The following ABCB11 variants were observed in gnomAD, a reference collection of about 807,000 sequenced individuals.
ABCB11 encodes bile salt export pump.
Under a neutral mutation model 148.0 loss-of-function variants are expected in ABCB11, and 95 were observed. The ratio of observed to expected loss-of-function variants is 0.64; its 90% confidence interval spans 0.54 to 0.76. The LOEUF (loss-of-function observed/expected upper bound fraction) is 0.76. Ranked by LOEUF, ABCB11 falls within the 30% of genes least tolerant of loss-of-function variation. The probability of loss-of-function intolerance (pLI) is 0.00; values close to 1 mark genes in which losing one functional copy is unlikely to be tolerated. For missense variants in ABCB11, 1,523 were observed against 1,617.8 expected, an observed-to-expected ratio of 0.94 and a Z score of 1.01; for synonymous variants, 591 against 555.4, an observed-to-expected ratio of 1.06 and a Z score of -0.90.
intron 21 of ABCB11, among the ~76,000 whole-genome samples, chr2:168,937,193 C>A (rs7568243): frequency 6.6e-6 from 1 of 152,146 alleles, no homozygotes; most frequent in East Asian, 1.9e-4. Flanking sequence ...AGCTTCATTC[C>A]CTTTTAAAAC....
chr2:169,023,606 TA>T (rs1318287628), intron 1 of ABCB11, among the ~76,000 whole-genome samples: 1 of 152,234 alleles, frequency 6.6e-6, no homozygotes, highest in Non-Finnish European at 1.5e-5. Context: ...TTGGCATGGA[TA>T]AATCTCAACA....
downstream of ABCB11, among the ~76,000 whole-genome samples, chr2:168,917,239 T>C (rs1648267185): frequency 6.6e-6 from 1 of 152,182 alleles, no homozygotes; most frequent in Non-Finnish European, 1.5e-5. Flanking sequence ...CCTTTTTTTT[T>C]CTCAAACAGT....
chr2:169,021,697 A>G (rs1430586618), intron 1 of ABCB11, among the ~76,000 whole-genome samples: 4 of 152,140 alleles, frequency 2.6e-5, no homozygotes, highest in Admixed American at 6.5e-5. Flanking sequence ...TTCTAAGTAA[A>G]AAAAGATTAA....
chr2:168,963,894 C>T (rs1286260846), intron 18 of ABCB11, among the ~76,000 whole-genome samples: 1 of 151,792 alleles, frequency 6.6e-6, no homozygotes, highest in Non-Finnish European at 1.5e-5. Flanking sequence ...TACATATGAG[C>T]AAATAATCTG....
chr2:168,973,773 G>C lies in ABCB11; in HGVS notation c.1376C>G (p.Ala459Gly), dbSNP rs190094490. The change falls in exon 13 of 28, where the codon GCT becomes GGT. Residue 459 changes from alanine to glycine, a missense_variant. Coordinates refer to ENST00000650372, the MANE Select transcript of ABCB11 (RefSeq NM_003742.4). ...GAGTTGCAGTGCTGTACTTTTTCCA[G>C]CTCCACTGGGTCCTACCAGAGCTGT... ...EMTALVGPSG[A>G]GKSTALQLIQ... The C allele has an allele frequency of 1.9e-6, 3 of 1,612,078 alleles. No individual in the cohort carries two copies. The highest frequency in any genetic ancestry group is 3.3e-5 in the Admixed American group (2 of 59,872).
intron 1 of ABCB11, among the ~76,000 whole-genome samples, chr2:169,026,068 A>G (rs1477823978): frequency 6.6e-6 from 1 of 152,230 alleles, no homozygotes; most frequent in Non-Finnish European, 1.5e-5. Flanking sequence ...TGGGTTGCAC[A>G]GTGACCTTGA....
chr2:168,981,302 T>C (rs1251740829), intron 10 of ABCB11, among the ~76,000 whole-genome samples: 1 of 152,120 alleles, frequency 6.6e-6, no homozygotes, highest in African/African-American at 2.4e-5. Flanking sequence ...GTTAGTCCAC[T>C]CACGCTTTCT....
At chr2:168,953,828 C>T (rs1692670766) in intron 19 of ABCB11, among the ~76,000 whole-genome samples, 1 of 151,556 alleles carries the variant, frequency 6.6e-6, no homozygotes, top group Non-Finnish European at 1.5e-5. Context: ...CTGATTGCCT[C>T]CTTTGGAGAG....
At chr2:168,924,427 C>A (rs1691213691) in intron 27 of ABCB11, among the ~76,000 whole-genome samples, 1 of 152,020 alleles carries the variant, frequency 6.6e-6, no homozygotes, top group Admixed American at 6.6e-5. Flanking sequence ...TGTCACTTAG[C>A]CTAAAGAATC....
chr2:168,995,314 T>C (rs1260319588), intron 7 of ABCB11, 35 bp downstream of exon 7: 1 of 1,576,184 alleles, frequency 6.3e-7, no homozygotes, highest in Non-Finnish European at 8.6e-7. Context: ...TATCCAAAAA[T>C]CACACACTAA....
intron 5 of ABCB11, among the ~76,000 whole-genome samples, chr2:169,002,231 G>A (rs1438864587): frequency 6.6e-6 from 1 of 152,000 alleles, no homozygotes; most frequent in Non-Finnish European, 1.5e-5. Flanking sequence ...GGAGATATAT[G>A]CACCTAAAAA....
chr2:168,943,780 T>A (rs988762086), intron 21 of ABCB11, among the ~76,000 whole-genome samples: 1 of 120,114 alleles, frequency 8.3e-6, no homozygotes, highest in Non-Finnish European at 1.9e-5. Context: ...TACAGCACTA[T>A]CAGTCCAGTG....
chr2:169,013,188 C>T, intron 5 of ABCB11, 84 bp downstream of exon 5: 2 of 1,012,354 alleles, frequency 2.0e-6, no homozygotes, highest in South Asian at 1.7e-5. Context: ...TCCAGCTCAG[C>T]CAGTAAAATC....
At chr2:168,954,647 T>C (rs1692713540) in intron 19 of ABCB11, among the ~76,000 whole-genome samples, 1 of 151,694 alleles carries the variant, frequency 6.6e-6, no homozygotes, top group South Asian at 2.1e-4. Flanking sequence ...TCTTGCTAAT[T>C]TAAAAATTCT....
In ABCB11 at chr2:168,968,477, A is replaced by G. The variant is rs778821418; in HGVS notation, c.2025T>C (p.Asp675=). 1.2e-6 allele frequency: 2 copies of G among 1,611,110 alleles called. No homozygotes were observed. Among genetic ancestry groups the G allele is most frequent in the South Asian group, 1.1e-5 (1 of 90,780 alleles). ...NEEDIKDATE[D]DMLARTFSRG... ...TGCTAAAGGTCCTCGCAAGCATGTC[A>G]TCTTCAGTTGCATCTACTCAACACA... The change falls in exon 17 of 28, where the codon GAT becomes GAC. Residue 675 remains aspartate, a synonymous_variant. Transcript: ENST00000650372.
downstream of ABCB11, among the ~76,000 whole-genome samples, chr2:168,919,076 T>C (rs147941799): frequency 1.3e-5 from 2 of 152,222 alleles, no homozygotes; most frequent in East Asian, 3.9e-4. Flanking sequence ...CATTATGAAA[T>C]ATGAGGACCA....
At chr2:169,030,978 T>C (rs1695849428) in intron 1 of ABCB11, among the ~76,000 whole-genome samples, 5 of 152,208 alleles carry the variant, frequency 3.3e-5, no homozygotes, top group Admixed American at 3.3e-4. Flanking sequence ...CACCACTCTC[T>C]CTCTCTCTAA....
At chr2:169,000,703 A>G (rs13425860) in intron 5 of ABCB11, among the ~76,000 whole-genome samples, 224 of 152,248 alleles carry the variant, frequency 1.5e-3, no homozygotes, top group African/African-American at 5.1e-3. Flanking sequence ...GAAATTGGGT[A>G]GATTGATTCT....
At chr2:168,984,103 G>A (rs555188018) in intron 10 of ABCB11, among the ~76,000 whole-genome samples, 1 of 152,216 alleles carries the variant, frequency 6.6e-6, no homozygotes, top group African/African-American at 2.4e-5. Flanking sequence ...TTCAAACAAT[G>A]ATCAGAGTCC....
Sources: gnomAD v4.1 joint callset for allele counts (sites outside exome capture counted in the v4.1 genomes callset) on GRCh38, gnomAD v4.1.1 for gene constraint, MANE v1.5 for transcripts, NCBI Gene and HGNC (gene_info 2026-07-23, HGNC 2026-07-21) for gene names.